The following ST8SIA6 variants were observed in gnomAD, a reference collection of about 807,000 sequenced individuals.
ST8SIA6 encodes alpha-2,8-sialyltransferase 8F.
ST8SIA6 carries 39 observed loss-of-function variants against 33.6 expected under a neutral mutation model. That is an observed-to-expected ratio of 1.16 (90% confidence interval 0.90 to 1.52). ST8SIA6 has a LOEUF of 1.52. Among genes scored for constraint, ST8SIA6 ranks in the 40% most tolerant of loss-of-function variants. ST8SIA6 has a pLI of 0.00. For missense variants in ST8SIA6, 441 were observed against 443.8 expected (o/e 0.99, Z 0.06); for synonymous variants, 172 against 167.2 (o/e 1.03, Z -0.22).
At chr10:17,372,036 T>A (rs1297825683) in intron 3 of ST8SIA6, among the ~76,000 whole-genome samples, 2 of 152,100 alleles carry the variant, frequency 1.3e-5, no homozygotes, top group African/African-American at 4.8e-5. Context: ...ATGCTTGCCA[T>A]GGTATTGGGC....
intron 2 of ST8SIA6, among the ~76,000 whole-genome samples, chr10:17,415,572 A>G (rs1015893078): frequency 3.3e-5 from 5 of 152,140 alleles, no homozygotes; most frequent in African/African-American, 7.2e-5. Flanking sequence ...GAAGAAGGGT[A>G]TATAAGCTTC....
chr10:17,431,248 A>G (rs1852093004), intron 2 of ST8SIA6, among the ~76,000 whole-genome samples: 1 of 152,164 alleles, frequency 6.6e-6, no homozygotes, highest in Admixed American at 6.5e-5. Context: ...TCACCTGAGG[A>G]TCAGGTAGCT....
chr10:17,396,033 C>T (rs1042425679), intron 2 of ST8SIA6, among the ~76,000 whole-genome samples: 1 of 152,164 alleles, frequency 6.6e-6, no homozygotes, highest in Non-Finnish European at 1.5e-5. Flanking sequence ...GCTCTGTAGT[C>T]GGGTTAGCAT....
intron 2 of ST8SIA6, among the ~76,000 whole-genome samples, chr10:17,428,470 C>T (rs1852001898): frequency 6.6e-6 from 1 of 151,924 alleles, no homozygotes; most frequent in South Asian, 2.1e-4. Context: ...CTCAATCTAC[C>T]CTAGAAGTGG....
chr10:17,369,205 C>T (rs1588849032), intron 3 of ST8SIA6, among the ~76,000 whole-genome samples: 1 of 152,020 alleles, frequency 6.6e-6, no homozygotes, highest in African/African-American at 2.4e-5. Context: ...ATTTTAATCA[C>T]CTCAAAAAAA....
chr10:17,416,392 T>C (rs952726002), intron 2 of ST8SIA6, among the ~76,000 whole-genome samples: 10 of 152,344 alleles, frequency 6.6e-5, no homozygotes, highest in Admixed American at 5.9e-4. Flanking sequence ...CAGATTGATA[T>C]GTGCAGTTCT....
In ST8SIA6 at chr10:17,316,771, T is replaced by C. The variant is rs900792565; in HGVS notation, c.*4107A>G. 1.3e-5 allele frequency among the ~76,000 whole-genome samples: 2 copies of C among 152,158 alleles called. No homozygotes were observed. Among genetic ancestry groups the C allele is most frequent in the Non-Finnish European group, 2.9e-5 (2 of 67,988 alleles). On this transcript the variant is annotated 3_prime_UTR_variant, in exon 8 of 8. Transcript: ENST00000377602. The stretch of plus-strand genomic sequence containing the variant: ...TCAGCTTTCCCCTTTGTAAATCACA[T>C]TCTTATCTTTTGTTCATTTTTATAT...
At chr10:17,333,681 A>T (rs1848374180) in intron 4 of ST8SIA6, among the ~76,000 whole-genome samples, 1 of 14,150 alleles carries the variant, frequency 7.1e-5, no homozygotes, top group Non-Finnish European at 1.3e-4. Context: ...GGATATATAT[A>T]TATATATATA....
intron 1 of ST8SIA6, 55 bp from the exon 2 acceptor site, chr10:17,453,712 T>G: frequency 8.1e-7 from 1 of 1,230,372 alleles, no homozygotes; most frequent in African/African-American, 1.6e-5. Context: ...AGCTGTTGGC[T>G]GAAAGGCTGG....
intron 2 of ST8SIA6, among the ~76,000 whole-genome samples, chr10:17,397,180 G>A (rs1850836328): frequency 6.7e-6 from 1 of 149,956 alleles, no homozygotes; most frequent in Non-Finnish European, 1.5e-5. Flanking sequence ...TTCTCCTTCA[G>A]CTCCATCCTC....
intron 6 of ST8SIA6, among the ~76,000 whole-genome samples, chr10:17,325,336 T>C: frequency 6.8e-6 from 1 of 146,964 alleles, no homozygotes. Flanking sequence ...ATGTATAATA[T>C]GTATATATAA....
intron 2 of ST8SIA6, among the ~76,000 whole-genome samples, chr10:17,435,754 A>T (rs937559206): frequency 6.6e-6 from 1 of 152,060 alleles, no homozygotes; most frequent in African/African-American, 2.4e-5. Context: ...CTGAATATTA[A>T]TGGAGAATTT....
At chr10:17,391,347 C>T (rs963252268) in intron 2 of ST8SIA6, among the ~76,000 whole-genome samples, 12 of 151,934 alleles carry the variant, frequency 7.9e-5, no homozygotes, top group African/African-American at 1.9e-4. Flanking sequence ...CTGCAAGCTC[C>T]GCCTCCCGGG....
chr10:17,380,022 C>G (rs78736948), intron 3 of ST8SIA6, among the ~76,000 whole-genome samples: 1,785 of 152,256 alleles, frequency 0.012, 16 homozygotes, highest in African/African-American at 0.024. Flanking sequence ...AGAGCACCCT[C>G]CAGAGAATCC....
rs772861188 is a variant in ST8SIA6 at position 17,321,273 on chromosome 10, G to A, written c.802C>T (p.Leu268=). 11 of 1,613,450 alleles carry A rather than the reference G, an allele frequency of 6.8e-6. No individual in the cohort carries two copies. Among genetic ancestry groups the A allele is most frequent in the Admixed American group, 6.7e-5 (4 of 59,868 alleles). Residue 268 remains leucine, a synonymous_variant, in exon 8 of 8, where the codon CTG becomes TTG. Coordinates refer to ENST00000377602, the MANE Select transcript of ST8SIA6 (RefSeq NM_001004470.3). ...IATYGDAFFL[L]PAFSFRANTG... ...TTGGCCCTGAAGGAAAATGCTGGCAGAAGAAAAAATGCATCTCCATAGGTT... is the reference window on the plus strand; with the variant it reads ...TTGGCCCTGAAGGAAAATGCTGGCAAAAGAAAAAATGCATCTCCATAGGTT...
rs146466698 is a variant in ST8SIA6 at position 17,406,925 on chromosome 10, G to A, written c.201-16305C>T. On this transcript the variant is annotated intron_variant, in intron 2 of 7. Coordinates refer to ENST00000377602, the MANE Select transcript of ST8SIA6 (RefSeq NM_001004470.3). The stretch of plus-strand genomic sequence containing the variant: ...TTCTCCCCCATCAGCCTCCCAAGTA[G>A]CTGGGATTACAGGCATGTGCCACCA... Among the ~76,000 whole-genome samples, 1,182 of 151,494 alleles carry A rather than the reference G, an allele frequency of 7.8e-3. 8 individuals are homozygous for A. The highest frequency in any genetic ancestry group is 0.027 in the African/African-American group (1,124 of 41,290).
At chr10:17,374,720 AAATAAATAAATAAATAAATAAATAAAT>A (rs56263496) in intron 3 of ST8SIA6, among the ~76,000 whole-genome samples, 26,215 of 134,168 alleles carry the variant, frequency 0.2, 2,663 homozygotes, top group South Asian at 0.24. Context: ...TCTCAAAAAT[AAATAAATAAATAAATAAATAAATAAAT>A]AATAAATATA....
chr10:17,367,506 ACTT>A (rs1360613145), intron 3 of ST8SIA6, among the ~76,000 whole-genome samples: 4 of 152,150 alleles, frequency 2.6e-5, no homozygotes, highest in Non-Finnish European at 5.9e-5. Context: ...CAACCATATC[ACTT>A]CTTCTTCACA....
chr10:17,324,740 A>ACACAC, intron 6 of ST8SIA6, among the ~76,000 whole-genome samples: 1 of 122,232 alleles, frequency 8.2e-6, no homozygotes, highest in South Asian at 2.7e-4. Context: ...CACACACACA[A>ACACAC]ACAGTAGTAT....
Sources: gnomAD v4.1 joint callset for allele counts (sites outside exome capture counted in the v4.1 genomes callset) on GRCh38, gnomAD v4.1.1 for gene constraint, MANE v1.5 for transcripts, NCBI Gene and HGNC (gene_info 2026-07-23, HGNC 2026-07-21) for gene names.